The following USP31 variants were observed in gnomAD, a reference collection of about 807,000 sequenced individuals.
USP31 encodes the protein ubiquitin carboxyl-terminal hydrolase 31.
In USP31, 44 loss-of-function variants were observed where a neutral mutation model predicts 119.4. The ratio of observed to expected loss-of-function variants is 0.37; its 90% CI spans 0.29 to 0.47. The LOEUF (loss-of-function observed/expected upper bound fraction) is 0.47. USP31 is among the 20% of genes least tolerant of loss of function. The pLI is 0.99. For synonymous variants in USP31, 749 were observed against 705.6 expected (o/e 1.06, Z -0.97); for missense variants, 1,643 against 1,730.2 (o/e 0.95, Z 0.89).
intron 12 of USP31, among the ~76,000 whole-genome samples, chr16:23,081,217 C>T (rs1900807508): frequency 6.6e-6 from 1 of 152,162 alleles, no homozygotes; most frequent in South Asian, 2.1e-4. Context: ...AGGGTGGTGA[C>T]ATGCCTTCAA....
rs1041898749 is a variant in USP31 at position 23,062,971 on chromosome 16, C to G, written c.*5075G>C. On this transcript the variant is annotated 3_prime_UTR_variant, in exon 16 of 16. Transcript: ENST00000219689. ...ATGACGTATCATAGTGGTTCTCAATCTGTCTGCAAATTAGAAACACCCAGA... is the reference window on the plus strand; with the variant it reads ...ATGACGTATCATAGTGGTTCTCAATGTGTCTGCAAATTAGAAACACCCAGA... 6.6e-6 allele frequency: 1 copy of G among 152,646 alleles called. No homozygotes were observed. The highest frequency in any genetic ancestry group is 2.4e-5 in the African/African-American group (1 of 41,458). 9.5% of individuals were successfully genotyped at this position (152,646 alleles called of 1,614,324 possible). A position where few individuals can be genotyped will look rare whatever the true frequency, so the allele number is the denominator to read the frequency against.
intron 1 of USP31, among the ~76,000 whole-genome samples, chr16:23,135,970 A>G (rs899815770): frequency 6.6e-6 from 1 of 152,212 alleles, no homozygotes; most frequent in Admixed American, 6.5e-5. Context: ...TGGGGTAAAG[A>G]TACATAAAGA....
intron 1 of USP31, among the ~76,000 whole-genome samples, chr16:23,122,810 C>G (rs1902716863): frequency 6.6e-6 from 1 of 151,976 alleles, no homozygotes; most frequent in African/African-American, 2.4e-5. Flanking sequence ...TAGGGAGTGA[C>G]TGCTAATGAG....
chr16:23,108,561 T>C (rs148494408), intron 1 of USP31, among the ~76,000 whole-genome samples: 6 of 152,298 alleles, frequency 3.9e-5, no homozygotes, highest in Non-Finnish European at 8.8e-5. Flanking sequence ...AACAGTTAAA[T>C]TATGATACAA....
chr16:23,081,648 C>T (rs987376310), intron 12 of USP31, among the ~76,000 whole-genome samples: 10 of 152,216 alleles, frequency 6.6e-5, no homozygotes, highest in Non-Finnish European at 1.3e-4. Flanking sequence ...CTGCTTATAA[C>T]CCTTCATCGG....
intron 1 of USP31, among the ~76,000 whole-genome samples, chr16:23,117,098 A>G (rs1021515139): frequency 1.1e-4 from 17 of 152,256 alleles, no homozygotes; most frequent in African/African-American, 4.1e-4. Flanking sequence ...AGCATAATGT[A>G]AGTACTCAGA....
chr16:23,104,604 T>C (rs1336443345), intron 5 of USP31, among the ~76,000 whole-genome samples: 3 of 152,256 alleles, frequency 2.0e-5, no homozygotes, highest in Admixed American at 1.3e-4. Flanking sequence ...GCAACACTGC[T>C]GGCTGTATTT....
intron 7 of USP31, among the ~76,000 whole-genome samples, chr16:23,090,188 C>T (rs1399544545): frequency 6.6e-6 from 1 of 152,158 alleles, no homozygotes; most frequent in Non-Finnish European, 1.5e-5. Flanking sequence ...AGTTTGAGAC[C>T]TGCCTGACCA....
At chr16:23,118,058 G>A (rs1902553769) in intron 1 of USP31, among the ~76,000 whole-genome samples, 1 of 152,194 alleles carries the variant, frequency 6.6e-6, no homozygotes, top group South Asian at 2.1e-4. Flanking sequence ...CAAAGTGCTG[G>A]GATTACAGGT....
chr16:23,107,298 A>G (rs1902149390), intron 2 of USP31, among the ~76,000 whole-genome samples: 2 of 152,186 alleles, frequency 1.3e-5, no homozygotes, highest in African/African-American at 4.8e-5. Flanking sequence ...ACAGAACATT[A>G]GGATACAAAG....
chr16:23,100,948 G>A (rs750408756), intron 6 of USP31, among the ~76,000 whole-genome samples: 1 of 152,144 alleles, frequency 6.6e-6, no homozygotes, highest in Non-Finnish European at 1.5e-5. Flanking sequence ...GAGAAGAACC[G>A]AGGAAGGAGA....
chr16:23,122,359 C>T (rs558075269), intron 1 of USP31, among the ~76,000 whole-genome samples: 1 of 152,156 alleles, frequency 6.6e-6, no homozygotes, highest in Non-Finnish European at 1.5e-5. Flanking sequence ...TCACACAGTG[C>T]TCGTGGGAAT....
chr16:23,099,152 G>T (rs1901741606), intron 6 of USP31, among the ~76,000 whole-genome samples: 1 of 152,064 alleles, frequency 6.6e-6, no homozygotes, highest in African/African-American at 2.4e-5. Context: ...TCAAAAAGTG[G>T]GCAAAGGGTA....
intron 1 of USP31, among the ~76,000 whole-genome samples, chr16:23,123,645 A>C (rs147552803): frequency 1.0e-4 from 15 of 150,192 alleles, no homozygotes; most frequent in Non-Finnish European, 1.9e-4. Flanking sequence ...AACTCAGTTT[A>C]GTTAAGTCTT....
intron 1 of USP31, among the ~76,000 whole-genome samples, chr16:23,138,694 G>A (rs946804554): frequency 1.3e-5 from 2 of 152,094 alleles, no homozygotes; most frequent in Non-Finnish European, 2.9e-5. Flanking sequence ...ATTTTCTGAA[G>A]AAGCCATGTT....
rs762921859 is a variant in USP31, at chr16:23,062,886, ATCAG to A, written c.*5156_*5159del. ...TCTGCTTCTCCTACACAACTGAGGA[ATCAG>A]TCACTCCTGAGTAATTCAAATGGCA... On this transcript the variant is annotated 3_prime_UTR_variant, in exon 16 of 16. Coordinates refer to ENST00000219689, the MANE Select transcript of USP31 (RefSeq NM_020718.4). The A allele has an allele frequency of 5.9e-5, 9 of 152,560 alleles. No individual in the cohort carries two copies. Among genetic ancestry groups the A allele is most frequent in the Non-Finnish European group, 1.2e-4 (8 of 68,044 alleles). 9.5% of individuals were successfully genotyped at this position (152,560 alleles called of 1,614,324 possible).
At chr16:23,070,160 T>G (rs1419302236) in intron 15 of USP31, among the ~76,000 whole-genome samples, 2 of 152,190 alleles carry the variant, frequency 1.3e-5, no homozygotes, top group African/African-American at 4.8e-5. Flanking sequence ...ATTCCATAGA[T>G]GCTGTGAGGT....
intron 13 of USP31, among the ~76,000 whole-genome samples, chr16:23,077,928 A>C (rs568406484): frequency 1.3e-5 from 2 of 152,348 alleles, no homozygotes; most frequent in East Asian, 3.9e-4. Context: ...TTACACGAAA[A>C]GTTAAAAACC....
In USP31 at chr16:23,096,267, A is replaced by G. The variant is rs1266295348; in HGVS notation, c.1235-5463T>C. ...AAAGAAGGCCATTACATAATGGTAT[A>G]GGGATCAAATTCAATAAGAAGAGCT... On this transcript the variant is annotated intron_variant, in intron 6 of 15. Transcript: ENST00000219689. Among the ~76,000 whole-genome samples the G allele has an allele frequency of 3.9e-5, 6 of 152,352 alleles. No homozygotes were observed. The East Asian group carries it at 9.6e-4, about 24-fold the overall frequency.
Sources: allele counts gnomAD v4.1 joint callset (sites outside exome capture counted in the v4.1 genomes callset), GRCh38; gene constraint gnomAD v4.1.1; transcripts MANE v1.5; gene names NCBI Gene and HGNC (gene_info 2026-07-23, HGNC 2026-07-21).